Variants in ZFHX3 observed in about 807,000 individuals in gnomAD.
The protein encoded by ZFHX3 is zinc finger homeobox protein 3.
Under a neutral mutation model 279.1 loss-of-function variants are expected in ZFHX3, and 42 were observed. The observed-to-expected ratio is 0.15, with a 90% CI of 0.12 to 0.19. The LOEUF (loss-of-function observed/expected upper bound fraction) is 0.19. Ranked by LOEUF, ZFHX3 falls within the 10% of genes least tolerant of loss-of-function variation. The pLI is 1.00. For synonymous variants in ZFHX3, 2,293 were observed against 1,957.8 expected, an observed-to-expected ratio of 1.17 and a Z score of -4.52; for missense variants, 4,981 against 4,754.0, an observed-to-expected ratio of 1.05 and a Z score of -1.40.
At chr16:73,621,033 A>G (rs1237825926) in intron 2 of ZFHX3, among the ~76,000 whole-genome samples, 2 of 152,166 alleles carry the variant, frequency 1.3e-5, no homozygotes, top group Non-Finnish European at 2.9e-5. Context: ...CCATCTTCCA[A>G]GGGGGTTGTA....
intron 4 of ZFHX3, among the ~76,000 whole-genome samples, chr16:72,846,505 G>GACTC (rs1202123244): frequency 2.0e-5 from 3 of 152,248 alleles, no homozygotes; most frequent in African/African-American, 4.8e-5. Flanking sequence ...GTACCTTTGA[G>GACTC]AAAGTCAGAA....
chr16:73,668,275 A>G (rs2052865955), intron 2 of ZFHX3, among the ~76,000 whole-genome samples: 1 of 152,190 alleles, frequency 6.6e-6, no homozygotes, highest in Non-Finnish European at 1.5e-5. Flanking sequence ...CAGTAAATGC[A>G]CATACCTCAA....
intron 2 of ZFHX3, among the ~76,000 whole-genome samples, chr16:73,579,850 C>T (rs2051839283): frequency 1.7e-5 from 1 of 58,614 alleles, no homozygotes; most frequent in African/African-American, 8.3e-5. Flanking sequence ...ATATATTATA[C>T]AGATTATATA....
At chr16:72,874,710 A>G (rs1183807991) in intron 4 of ZFHX3, among the ~76,000 whole-genome samples, 4 of 148,568 alleles carry the variant, frequency 2.7e-5, no homozygotes, top group African/African-American at 1.0e-4. Context: ...CCCAGGGTAG[A>G]CTCAAACTTC....
intron 3 of ZFHX3, among the ~76,000 whole-genome samples, chr16:72,934,456 T>C (rs1246282925): frequency 6.6e-6 from 1 of 152,104 alleles, no homozygotes; most frequent in Non-Finnish European, 1.5e-5. Context: ...TATCCACAAG[T>C]ATGTGAGAAG....
intron 2 of ZFHX3, among the ~76,000 whole-genome samples, chr16:73,624,106 T>C (rs1192928074): frequency 6.6e-6 from 1 of 152,220 alleles, no homozygotes; most frequent in Non-Finnish European, 1.5e-5. Flanking sequence ...TTTAAGCTCA[T>C]ATCCTAGGAT....
intron 4 of ZFHX3, among the ~76,000 whole-genome samples, chr16:72,847,499 C>T (rs1313245729): frequency 2.6e-5 from 4 of 152,006 alleles, no homozygotes; most frequent in Non-Finnish European, 5.9e-5. Flanking sequence ...GGTCAGGCCC[C>T]GGAGTGTTCC....
intron 4 of ZFHX3, among the ~76,000 whole-genome samples, chr16:72,871,979 G>C (rs930759778): frequency 6.6e-6 from 1 of 152,090 alleles, no homozygotes; most frequent in Non-Finnish European, 1.5e-5. Context: ...CAGCTACTGG[G>C]GAGGCTGAGG....
At chr16:73,435,211 A>G (rs2017975418) in intron 3 of ZFHX3, among the ~76,000 whole-genome samples, 1 of 151,992 alleles carries the variant, frequency 6.6e-6, no homozygotes, top group South Asian at 2.1e-4. Flanking sequence ...ATTTTGAACC[A>G]ATTCATTCTT....
rs76239888 is a variant in ZFHX3, at chr16:72,787,039, CTTTTT to C, written c.*120_*124del. 1.2e-4 allele frequency: 83 copies of C among 684,708 alleles called. No individual in the cohort carries two copies. Among genetic ancestry groups the C allele is most frequent in the East Asian group, 2.8e-4 (5 of 18,148 alleles). 42.4% of individuals were successfully genotyped at this position (684,708 alleles called of 1,614,324 possible). On this transcript the variant is annotated 3_prime_UTR_variant, in exon 10 of 10. Coordinates refer to ENST00000268489, the MANE Select transcript of ZFHX3 (RefSeq NM_006885.4). ...ACAACCCACGCTTTTTCTTTTTTTT[CTTTTT>C]TTTTTTTTTTTTGTTTTTTGGTTAG...
rs74030020 is a variant in ZFHX3 at position 73,260,538 on chromosome 16, C to A, written c.-1193-3402G>T. Among the ~76,000 whole-genome samples the A allele has an allele frequency of 1.6e-3, 244 of 152,198 alleles. 1 individual carries two copies. The highest frequency in any genetic ancestry group is 5.5e-3 in the African/African-American group (228 of 41,520). ...CCGTGAGCATTTCCTTACTTTCTGG[C>A]ACAGTAAGATGTCCCAGGTTCATCT... is the stretch of plus-strand genomic sequence containing the variant. On this transcript the variant is annotated intron_variant, in intron 4 of 17. Coordinates refer to the ZFHX3 transcript ENST00000641206.
chr16:72,812,467 T>TA (rs2036486600), intron 5 of ZFHX3, among the ~76,000 whole-genome samples: 1 of 152,210 alleles, frequency 6.6e-6, no homozygotes, highest in African/African-American at 2.4e-5. Context: ...AGAAGAGATG[T>TA]GCTCTCAACT....
intron 4 of ZFHX3, among the ~76,000 whole-genome samples, chr16:72,837,397 C>A (rs1235945543): frequency 6.6e-6 from 1 of 151,818 alleles, no homozygotes; most frequent in Non-Finnish European, 1.5e-5. Flanking sequence ...TTTCAGCCCT[C>A]TAAAAGTGGA....
chr16:73,146,190 G>A (rs1966862180), intron 5 of ZFHX3, among the ~76,000 whole-genome samples: 1 of 152,190 alleles, frequency 6.6e-6, no homozygotes, highest in African/African-American at 2.4e-5. Context: ...AGCACTTTGG[G>A]AGGCTGAGAT....
intron 1 of ZFHX3, among the ~76,000 whole-genome samples, chr16:73,781,703 AAGAGGTCG>A (rs1959477039): frequency 6.6e-6 from 1 of 152,174 alleles, no homozygotes; most frequent in Admixed American, 6.5e-5. Context: ...TTTAATAAAC[AAGAGGTCG>A]GGCGTGGTGG....
chr16:73,656,884 T>C (rs1482413594), intron 2 of ZFHX3, among the ~76,000 whole-genome samples: 1 of 152,206 alleles, frequency 6.6e-6, no homozygotes, highest in Non-Finnish European at 1.5e-5. Flanking sequence ...AAGAAAATTG[T>C]TTGCCAAGCT....
rs558304132 is a variant in ZFHX3 at position 73,482,519 on chromosome 16, G to T, written c.-1546-26261C>A. Among the ~76,000 whole-genome samples the T allele has an allele frequency of 9.1e-4, 139 of 152,216 alleles. 1 individual carries two copies. Among genetic ancestry groups the T allele is most frequent in the African/African-American group, 3.2e-3 (135 of 41,542 alleles). ...ACATCCAGACTCTCCAAAGCATCTT[G>T]CATTTGGCCAGAGGTCTCGGGAAGC... On this transcript the variant is annotated intron_variant, in intron 2 of 17. Transcript: ENST00000641206.
intron 1 of ZFHX3, among the ~76,000 whole-genome samples, chr16:72,968,130 G>A (rs1961935648): frequency 6.6e-6 from 1 of 152,028 alleles, no homozygotes; most frequent in South Asian, 2.1e-4. Context: ...GTGCCTCCTG[G>A]TAGGATACAC....
rs138124176 is a variant in ZFHX3 at position 72,889,795 on chromosome 16, A to C, written c.3384T>G (p.Leu1128=). The change falls in exon 4 of 10, where the codon CTT becomes CTG. Residue 1128 remains leucine (L), a synonymous_variant. Coordinates refer to ENST00000268489, the MANE Select transcript of ZFHX3 (RefSeq NM_006885.4). ...GCCCCAGGTCCTCGTCCTCCTCTGG[A>C]AGGCCCTTCTGCAGCCGCTGCAGCT... ...LRKLQRLQKG[L]PEEDEDLGQI... 157 of 1,613,644 alleles carry C rather than the reference A, an allele frequency of 9.7e-5. No homozygotes were observed. In the Middle Eastern group the frequency reaches 2.3e-3, roughly 24 times the overall value.
Sources: allele counts gnomAD v4.1 joint callset (sites outside exome capture counted in the v4.1 genomes callset), GRCh38; gene constraint gnomAD v4.1.1; transcripts MANE v1.5; gene names NCBI Gene and HGNC (gene_info 2026-07-23, HGNC 2026-07-21).